SIK3: variants seen among roughly 807,000 people sequenced by gnomAD.
SIK3 encodes serine/threonine-protein kinase SIK3.
In SIK3, 28 loss-of-function variants were observed where a neutral mutation model predicts 144.2. The ratio of observed to expected loss-of-function variants is 0.19; its 90% CI spans 0.14 to 0.27. SIK3 has a LOEUF of 0.27. Ranked by LOEUF, SIK3 falls within the 10% of genes least tolerant of loss-of-function variation. SIK3 has a pLI of 1.00. For missense variants in SIK3, 1,319 were observed against 1,776.0 expected, an observed-to-expected ratio of 0.74 and a Z score of 4.62; for synonymous variants, 686 against 676.3, an observed-to-expected ratio of 1.01 and a Z score of -0.22.
intron 3 of SIK3, among the ~76,000 whole-genome samples, chr11:116,933,906 C>G (rs1479653290): frequency 6.6e-6 from 1 of 152,182 alleles, no homozygotes; most frequent in Non-Finnish European, 1.5e-5. Context: ...CATATGCCAC[C>G]TTGCTATTTC....
rs1163171454 is a variant in SIK3, at chr11:116,844,635, T to TATATAATATA, written c.*1007_*1008insTATATTATAT. ...ATATATATAATATATATATAATATA[T>TATATAATATA]TATATTATATATTATATATATAATA... On this transcript the variant is annotated 3_prime_UTR_variant, in exon 25 of 25. Transcript: ENST00000445177. 414 of 9,678 alleles carry TATATAATATA rather than the reference T, an allele frequency of 0.043. 5 individuals are homozygous for TATATAATATA. Among genetic ancestry groups the TATATAATATA allele is most frequent in the Non-Finnish European group, 0.086 (308 of 3,572 alleles). The allele number at this position is 9,678 out of a possible 1,614,324, so 0.6% of individuals were successfully genotyped here.
Position 116,859,210 on chromosome 11 carries a change from T to G in SIK3, c.2765+55A>C, listed in dbSNP as rs1406368672. 5.9e-6 allele frequency: 9 copies of G among 1,516,944 alleles called. No homozygotes were observed. In the Admixed American group the frequency reaches 1.5e-4, roughly 24 times the overall value. 94.0% of individuals were successfully genotyped at this position (1,516,944 alleles called of 1,614,324 possible). A position where few individuals can be genotyped will look rare whatever the true frequency, so the allele number is the denominator to read the frequency against. On this transcript the variant is annotated intron_variant, in intron 20 of 24. Coordinates refer to ENST00000445177, the MANE Select transcript of SIK3 (RefSeq NM_001366686.3). ...CTTTTCTCTCACTCTGCTAAGGGGC[T>G]TCCTCCCACCTGGATCCCATGCATA... is the stretch of plus-strand genomic sequence containing the variant.
At chr11:117,049,485 T>TGAATGGCTCAGCCATTCAAGG (rs1245586889) in intron 1 of SIK3, among the ~76,000 whole-genome samples, 1 of 150,160 alleles carries the variant, frequency 6.7e-6, no homozygotes, top group African/African-American at 2.5e-5. Context: ...GGCTGAGGCA[T>TGAATGGCTCAGCCATTCAAGG]GAGAATGGCT....
chr11:117,064,563 T>C (rs1219386749), intron 1 of SIK3, among the ~76,000 whole-genome samples: 1 of 152,212 alleles, frequency 6.6e-6, no homozygotes, highest in Non-Finnish European at 1.5e-5. Context: ...GAATTAACAA[T>C]ACAATTTTAG....
intron 4 of SIK3, among the ~76,000 whole-genome samples, chr11:116,908,745 G>A (rs943832491): frequency 1.3e-5 from 2 of 152,120 alleles, no homozygotes; most frequent in African/African-American, 4.8e-5. Flanking sequence ...TGCCAGATGG[G>A]CAAAAATTTA....
chr11:116,863,852 G>C (rs1306536550), intron 15 of SIK3, 34 bp from the exon 16 acceptor site: 1 of 1,548,800 alleles, frequency 6.5e-7, no homozygotes, highest in Non-Finnish European at 8.7e-7. Flanking sequence ...TAGAGGCTAG[G>C]ACTCAGGGGC....
chr11:116,938,289 G>A (rs1465651150), intron 3 of SIK3, among the ~76,000 whole-genome samples: 1 of 94,548 alleles, frequency 1.1e-5, no homozygotes, highest in African/African-American at 4.9e-5. Context: ...GGAGAGGAGA[G>A]GAGAGGAGAG....
At chr11:116,932,639 G>A (rs1328925689) in intron 3 of SIK3, among the ~76,000 whole-genome samples, 1 of 152,050 alleles carries the variant, frequency 6.6e-6, no homozygotes, top group Non-Finnish European at 1.5e-5. Flanking sequence ...GATCTCCGTT[G>A]CACTACCCCT....
At chr11:116,947,236 T>TAAAA (rs1565487382) in intron 3 of SIK3, among the ~76,000 whole-genome samples, 1 of 95,828 alleles carries the variant, frequency 1.0e-5, no homozygotes, top group Admixed American at 1.3e-4. Context: ...TATTTATATA[T>TAAAA]TTTATATATA....
At chr11:116,962,019 C>G (rs895827071) in intron 1 of SIK3, among the ~76,000 whole-genome samples, 2 of 152,180 alleles carry the variant, frequency 1.3e-5, no homozygotes, top group Non-Finnish European at 2.9e-5. Flanking sequence ...ACTCAACTCA[C>G]TTTTGTAAGC....
intron 3 of SIK3, among the ~76,000 whole-genome samples, chr11:116,945,380 C>CTTTTT (rs35915801): frequency 1.0e-4 from 10 of 95,384 alleles, no homozygotes; most frequent in South Asian, 3.9e-4. Flanking sequence ...TTCATGAATT[C>CTTTTT]TTTTTTTTTT....
intron 1 of SIK3, among the ~76,000 whole-genome samples, chr11:117,083,893 A>G (rs1426386622): frequency 6.6e-6 from 1 of 152,240 alleles, no homozygotes; most frequent in Non-Finnish European, 1.5e-5. Flanking sequence ...CTCTTAAACT[A>G]AAGAGTTTGG....
intron 1 of SIK3, among the ~76,000 whole-genome samples, chr11:116,965,790 C>G (rs1300700062): frequency 7.5e-5 from 7 of 93,824 alleles, no homozygotes; most frequent in African/African-American, 3.4e-4. Flanking sequence ...TATAAATTAG[C>G]CAAACATGGT....
chr11:116,870,773 G>A (rs373262931), intron 13 of SIK3, among the ~76,000 whole-genome samples: 2 of 152,238 alleles, frequency 1.3e-5, no homozygotes, highest in African/African-American at 4.8e-5. Flanking sequence ...TCTTCTAATG[G>A]GGGTGTTTGG....
chr11:117,096,927 G>GT (rs1203827313), intron 1 of SIK3, among the ~76,000 whole-genome samples: 3 of 152,330 alleles, frequency 2.0e-5, no homozygotes, highest in Admixed American at 2.0e-4. Context: ...GGCAGCAGCT[G>GT]TAAGGGTTCT....
At chr11:116,934,348 T>G (rs77204473) in intron 3 of SIK3, among the ~76,000 whole-genome samples, 6,409 of 152,320 alleles carry the variant, frequency 0.042, 202 homozygotes, top group Middle Eastern at 0.11. Context: ...CCTTAGATTT[T>G]ATTAGCAAAA....
intron 1 of SIK3, among the ~76,000 whole-genome samples, chr11:117,014,399 A>G (rs1003038429): frequency 2.6e-5 from 4 of 152,202 alleles, no homozygotes; most frequent in African/African-American, 9.6e-5. Context: ...TTAGAAGATA[A>G]TATTAGAGAT....
At chr11:117,020,235 G>GTATATATATATATATATATATATATATA (rs1491154939) in intron 1 of SIK3, among the ~76,000 whole-genome samples, 2 of 87,146 alleles carry the variant, frequency 2.3e-5, no homozygotes, top group African/African-American at 6.8e-5. Context: ...GTGTATATGT[G>GTATATATATATATATATATATATATATA]CATATATATA....
intron 1 of SIK3, among the ~76,000 whole-genome samples, chr11:116,980,324 G>A (rs1950094708): frequency 6.6e-6 from 1 of 152,090 alleles, no homozygotes; most frequent in South Asian, 2.1e-4. Flanking sequence ...GGTTGGTTCG[G>A]TAAAGCCCCT....
Sources: allele counts gnomAD v4.1 joint callset (sites outside exome capture counted in the v4.1 genomes callset), GRCh38; gene constraint gnomAD v4.1.1; transcripts MANE v1.5; gene names NCBI Gene and HGNC (gene_info 2026-07-23, HGNC 2026-07-21).